Variants in KCNAB1 observed in about 807,000 individuals in gnomAD.
The protein encoded by KCNAB1 is voltage-gated potassium channel subunit beta-1.
A neutral mutation model predicts 64.6 loss-of-function variants in KCNAB1; 35 were observed. That is an observed-to-expected ratio of 0.54 (90% CI 0.41 to 0.72). The LOEUF (loss-of-function observed/expected upper bound fraction) is 0.72, where lower values mean the gene tolerates loss of function less well. Among genes scored for constraint, KCNAB1 ranks in the 30% least tolerant of loss-of-function variants. The probability of loss-of-function intolerance (pLI) is 0.00; values close to 1 mark genes in which losing one functional copy is unlikely to be tolerated. For missense variants in KCNAB1, 401 were observed against 512.9 expected (o/e 0.78, Z 2.11); for synonymous variants, 177 against 183.8 (o/e 0.96, Z 0.30).
chr3:156,404,624 A>G (rs780463875), intron 1 of KCNAB1, among the ~76,000 whole-genome samples: 2 of 152,220 alleles, frequency 1.3e-5, no homozygotes, highest in Non-Finnish European at 2.9e-5. Flanking sequence ...ATGTATGCAC[A>G]TTTTATACAC....
chr3:156,430,640 T>TA (rs1459787402), intron 2 of KCNAB1, among the ~76,000 whole-genome samples: 2 of 152,146 alleles, frequency 1.3e-5, no homozygotes, highest in African/African-American at 2.4e-5. Flanking sequence ...AGGCCAGTGT[T>TA]AGAGACAGCA....
chr3:156,273,545 C>G (rs1386525909), intron 1 of KCNAB1: 1 of 456,384 alleles, frequency 2.2e-6, no homozygotes, highest in Non-Finnish European at 4.4e-6. Flanking sequence ...TCTCCCTCCC[C>G]TAAGCACACA....
chr3:156,146,968 C>CT (rs1715074969), intron 1 of KCNAB1, among the ~76,000 whole-genome samples: 1 of 152,030 alleles, frequency 6.6e-6, no homozygotes, highest in Admixed American at 6.6e-5. Context: ...ATTTTTAAAC[C>CT]TTTTTGTTTC....
At chr3:156,439,348 G>T (rs568177064) in intron 2 of KCNAB1, among the ~76,000 whole-genome samples, 1 of 151,572 alleles carries the variant, frequency 6.6e-6, no homozygotes, top group African/African-American at 2.4e-5. Context: ...TCTCAGGCGT[G>T]TTGGAAGGAA....
At chr3:156,258,723 G>A (rs1479924208) in intron 1 of KCNAB1, among the ~76,000 whole-genome samples, 4 of 152,144 alleles carry the variant, frequency 2.6e-5, no homozygotes, top group Admixed American at 1.3e-4. Flanking sequence ...TACATGCAAC[G>A]TTAAATAACT....
At chr3:156,307,561 T>G (rs906300288) in intron 1 of KCNAB1, among the ~76,000 whole-genome samples, 1 of 151,972 alleles carries the variant, frequency 6.6e-6, no homozygotes, top group South Asian at 2.1e-4. Flanking sequence ...AAAAAGAAAA[T>G]CAAGGGCTGT....
At chr3:156,126,829 G>A (rs374307333) in intron 1 of KCNAB1, among the ~76,000 whole-genome samples, 1 of 151,102 alleles carries the variant, frequency 6.6e-6, no homozygotes, top group Non-Finnish European at 1.5e-5. Flanking sequence ...GGGAGCTCAA[G>A]TGACTTAAGT....
intron 1 of KCNAB1, 144 bp downstream of exon 1, chr3:156,121,030 C>A (rs1286198532): frequency 2.1e-6 from 2 of 958,446 alleles, no homozygotes; most frequent in Non-Finnish European, 3.0e-6. Context: ...GAATGTGTAA[C>A]CACAAAGAGC....
chr3:156,476,728 C>A (rs1714394026), intron 8 of KCNAB1, among the ~76,000 whole-genome samples: 1 of 152,074 alleles, frequency 6.6e-6, no homozygotes, highest in African/African-American at 2.4e-5. Flanking sequence ...CACTGTTTTC[C>A]ATAGTGGCTG....
chr3:156,221,604 C>G (rs150006668), intron 1 of KCNAB1, among the ~76,000 whole-genome samples: 4 of 151,974 alleles, frequency 2.6e-5, no homozygotes, highest in Admixed American at 2.0e-4. Flanking sequence ...ATGGTGAAAC[C>G]CTGTCTGTAC....
At chr3:156,214,377 A>G (rs73162762) in intron 1 of KCNAB1, among the ~76,000 whole-genome samples, 1 of 152,100 alleles carries the variant, frequency 6.6e-6, no homozygotes, top group African/African-American at 2.4e-5. Context: ...TGCTAATTGC[A>G]GGCACTTAGT....
Position 156,496,420 on chromosome 3 carries a change from C to T in KCNAB1, c.659-17944C>T, listed in dbSNP as rs184843295. Among the ~76,000 whole-genome samples, 108 of 152,224 alleles carry T rather than the reference C, an allele frequency of 7.1e-4. 1 individual carries two copies. The highest frequency in any genetic ancestry group is 2.6e-3 in the African/African-American group (106 of 41,540). On this transcript the variant is annotated intron_variant, in intron 8 of 13. Coordinates refer to ENST00000490337, the MANE Select transcript of KCNAB1 (RefSeq NM_172160.3). ...GGTTTTATAAAAGGCAGTTTCCCTG[C>T]ACATGCTCTTTTGCCTGCCACCATG...
chr3:156,209,165 G>T (rs1260343106), intron 1 of KCNAB1, among the ~76,000 whole-genome samples: 1 of 152,168 alleles, frequency 6.6e-6, no homozygotes, highest in East Asian at 1.9e-4. Context: ...TGGTATTAAT[G>T]GTGCAGAGAA....
chr3:156,422,407 T>C lies in KCNAB1; in HGVS notation c.319+748T>C, dbSNP rs151091911. Among the ~76,000 whole-genome samples, 27 of 152,102 alleles carry C rather than the reference T, an allele frequency of 1.8e-4. No homozygotes were observed. In the East Asian group the frequency reaches 4.1e-3, roughly 23 times the overall value. ...TGGTAACTGAGGAAGTAGTGAGGAG[T>C]GGTCAGATTGTGGCTATGTTTTCAA... On this transcript the variant is annotated intron_variant, in intron 2 of 13. Coordinates refer to ENST00000490337, the MANE Select transcript of KCNAB1 (RefSeq NM_172160.3).
chr3:156,271,956 T>A (rs1327452353), intron 1 of KCNAB1, among the ~76,000 whole-genome samples: 6 of 152,238 alleles, frequency 3.9e-5, no homozygotes, highest in Non-Finnish European at 8.8e-5. Context: ...CTTATAGACT[T>A]GTAGAAGTAC....
chr3:156,397,672 T>G (rs1180323421), intron 1 of KCNAB1, among the ~76,000 whole-genome samples: 1 of 152,158 alleles, frequency 6.6e-6, no homozygotes, highest in East Asian at 1.9e-4. Context: ...TTAAGAATCC[T>G]GCCCACACAA....
chr3:156,290,816 T>G (rs1298687531), intron 1 of KCNAB1, among the ~76,000 whole-genome samples: 1 of 152,236 alleles, frequency 6.6e-6, no homozygotes, highest in Non-Finnish European at 1.5e-5. Context: ...AGAATAAATT[T>G]TGCAGTAAGT....
chr3:156,231,060 G>A (rs1716491322), intron 1 of KCNAB1, among the ~76,000 whole-genome samples: 1 of 152,020 alleles, frequency 6.6e-6, no homozygotes, highest in Non-Finnish European at 1.5e-5. Context: ...TCTTGCTCTG[G>A]TGCACAGGTG....
chr3:156,533,486 C>T lies in KCNAB1; in HGVS notation c.1170+1989C>T, dbSNP rs117372677. Among the ~76,000 whole-genome samples the T allele has an allele frequency of 2.9e-4, 44 of 152,240 alleles. No homozygotes were observed. In the East Asian group the frequency reaches 6.0e-3, roughly 21 times the overall value. On this transcript the variant is annotated intron_variant, in intron 13 of 13. Transcript: ENST00000490337. ...AGCACAGGGACAGCAGATGCACTGACGTGGAGAGACAGGCAGGGCCAGGTC... is the reference window on the plus strand; with the variant it reads ...AGCACAGGGACAGCAGATGCACTGATGTGGAGAGACAGGCAGGGCCAGGTC...
Sources: gnomAD v4.1 joint callset for allele counts (sites outside exome capture counted in the v4.1 genomes callset) on GRCh38, gnomAD v4.1.1 for gene constraint, MANE v1.5 for transcripts, NCBI Gene and HGNC (gene_info 2026-07-23, HGNC 2026-07-21) for gene names.